Variants in PPM1G observed in about 807,000 individuals in gnomAD.
PPM1G encodes protein phosphatase 1G.
PPM1G carries 12 observed loss-of-function variants against 59.4 expected under a neutral mutation model. The observed-to-expected ratio is 0.20, with a 90% CI of 0.13 to 0.33. PPM1G has a LOEUF of 0.33. PPM1G is among the 10% of genes least tolerant of loss of function. The pLI, the probability that PPM1G is intolerant of heterozygous loss-of-function variation, is 1.00. For synonymous variants in PPM1G, 245 were observed against 251.9 expected, an observed-to-expected ratio of 0.97 and a Z score of 0.26; for missense variants, 392 against 681.3, an observed-to-expected ratio of 0.58 and a Z score of 4.73.
In PPM1G at chr2:27,386,272, T is replaced by C. The variant is rs1448456800; in HGVS notation, c.198A>G (p.Glu66=). The C allele has an allele frequency of 2.5e-6, 4 of 1,612,248 alleles. No homozygotes were observed. The highest frequency in any genetic ancestry group is 8.5e-7 in the Non-Finnish European group (1 of 1,178,432). ...GATATTTGGCACAGTACAAGGCAAC[T>C]TCCTCCCCTAGAAGGAAAGGAAGGA... ...FSVYDGHGGE[E]VALYCAKYLP... is the part of the protein sequence containing the mutation. The change falls in exon 3 of 10, where the codon GAA becomes GAG. Residue 66 remains glutamate (E), a synonymous_variant. Transcript: ENST00000344034.
At chr2:27,395,091 C>A (rs527534736) in intron 1 of PPM1G, among the ~76,000 whole-genome samples, 1 of 150,604 alleles carries the variant, frequency 6.6e-6, no homozygotes, top group African/African-American at 2.5e-5. Flanking sequence ...ATTAGCTGGG[C>A]GTGGTGGTGC....
In PPM1G at chr2:27,383,038, G is replaced by A. The variant is rs1448065294; in HGVS notation, c.1201+328C>T. Reference sequence around the variant, plus strand: ...TTTAGTAGAGATGGGGTTTCACCATGTTGGCCAGGCTGGCCTCGAACTCCT... The same window carrying A: ...TTTAGTAGAGATGGGGTTTCACCATATTGGCCAGGCTGGCCTCGAACTCCT... On this transcript the variant is annotated intron_variant, in intron 7 of 9. Transcript: ENST00000344034. The surrounding 1 kb of genome is among the most constrained non-coding windows in gnomAD (Gnocchi z 5.0). Among the ~76,000 whole-genome samples, 1 of 149,124 alleles carries A rather than the reference G, an allele frequency of 6.7e-6. No individual in the cohort carries two copies. Among genetic ancestry groups the A allele is most frequent in the African/African-American group, 2.5e-5 (1 of 40,402 alleles).
chr2:27,408,713 C>G (rs1241904570), intron 1 of PPM1G, among the ~76,000 whole-genome samples: 1 of 151,948 alleles, frequency 6.6e-6, no homozygotes, highest in Non-Finnish European at 1.5e-5. Flanking sequence ...AGTAAAAGGC[C>G]CTGAAAAGAG....
chr2:27,390,372 G>C (rs546588816), intron 1 of PPM1G, among the ~76,000 whole-genome samples: 85 of 152,222 alleles, frequency 5.6e-4, no homozygotes, highest in Admixed American at 1.3e-3. Flanking sequence ...TTAAACTCCT[G>C]ATCTCAAATC....
At chr2:27,387,253 G>T in intron 1 of PPM1G, 95 bp from the exon 2 acceptor site, 1 of 986,784 alleles carries the variant, frequency 1.0e-6, no homozygotes, top group Non-Finnish European at 1.6e-6. Context: ...CCTTTCCCTG[G>T]CTGGCCTATA....
chr2:27,382,689 T>C lies in PPM1G; in HGVS notation c.1202-84A>G. 6.5e-7 allele frequency: 1 copy of C among 1,532,514 alleles called. No individual in the cohort carries two copies. Among genetic ancestry groups the C allele is most frequent in the Admixed American group, 1.8e-5 (1 of 55,852 alleles). The allele number at this position is 1,532,514 out of a possible 1,614,324, so 94.9% of individuals were successfully genotyped here. ...GGCAGGTCAAACCTTGCCATTCATT[T>C]CCCTTCTTTACAAAGTTCCATAATC... On this transcript the variant is annotated intron_variant, in intron 7 of 9. Transcript: ENST00000344034. The surrounding 1 kb of genome is among the most constrained non-coding windows in gnomAD (Gnocchi z 4.2).
At chr2:27,399,055 G>A (rs1261872449) in intron 1 of PPM1G, among the ~76,000 whole-genome samples, 1 of 151,780 alleles carries the variant, frequency 6.6e-6, no homozygotes, top group Non-Finnish European at 1.5e-5. Flanking sequence ...AAGCAGGATA[G>A]CTTGAACTCA....
In PPM1G at chr2:27,409,431, C is replaced by T. The variant is rs763089412; in HGVS notation, c.-9G>A. The T allele has an allele frequency of 3.0e-5, 45 of 1,504,694 alleles. No individual in the cohort carries two copies. In the South Asian group the frequency reaches 5.0e-4, roughly 17 times the overall value. The allele number at this position is 1,504,694 out of a possible 1,614,324, so 93.2% of individuals were successfully genotyped here. A position where few individuals can be genotyped will look rare whatever the true frequency, so the allele number is the denominator to read the frequency against. ...GAGAGGTAGGCACCCATGGCGGCGG[C>T]TGGCCGGCGGCCTCAGGTGCAGGAA... On this transcript the variant is annotated 5_prime_UTR_variant, in exon 1 of 10. Coordinates refer to ENST00000344034, the MANE Select transcript of PPM1G (RefSeq NM_177983.3).
chr2:27,395,629 G>A lies in PPM1G; in HGVS notation c.121-8471C>T, dbSNP rs1684032215. The stretch of plus-strand genomic sequence containing the variant: ...AGGCTGAGGTGGGAGGATCACTTGT[G>A]CTCAGAAGTTCAAGACCAGCCTGGG... On this transcript the variant is annotated intron_variant, in intron 1 of 9. Transcript: ENST00000344034. Among the ~76,000 whole-genome samples the A allele has an allele frequency of 2.0e-5, 3 of 152,042 alleles. No individual in the cohort carries two copies. In the South Asian group the frequency reaches 6.2e-4, roughly 32 times the overall value.
intron 1 of PPM1G, among the ~76,000 whole-genome samples, chr2:27,402,151 A>G (rs1433299140): frequency 2.6e-5 from 4 of 152,188 alleles, no homozygotes; most frequent in African/African-American, 9.6e-5. Flanking sequence ...GATATACTTC[A>G]TCTCTGAACT....
At chr2:27,399,950 C>CAA (rs56786173) in intron 1 of PPM1G, among the ~76,000 whole-genome samples, 1,720 of 107,052 alleles carry the variant, frequency 0.016, 27 homozygotes, top group African/African-American at 0.051. Context: ...TTTATAATAG[C>CAA]AAAAAAAAAA....
At chr2:27,404,808 G>C (rs1182673919) in intron 1 of PPM1G, among the ~76,000 whole-genome samples, 1 of 151,668 alleles carries the variant, frequency 6.6e-6, no homozygotes, top group African/African-American at 2.4e-5. Flanking sequence ...GCCGGGCATG[G>C]TGGCAGGCGC....
intron 1 of PPM1G, among the ~76,000 whole-genome samples, chr2:27,405,644 T>C (rs1004803172): frequency 6.6e-6 from 1 of 151,494 alleles, no homozygotes; most frequent in Non-Finnish European, 1.5e-5. Context: ...TCTGCCCCCC[T>C]CGGCCTCCCA....
Position 27,385,880 on chromosome 2 carries a change from C to CTTA in PPM1G, c.277-2_277-1insTAA. The stretch of plus-strand genomic sequence containing the variant: ...TAGCCAAGAAGGCATCTTCTAAAGC[C>CTTA]TGAATATAAGCAAAATAGTCTAAGA... On this transcript the variant is annotated splice_acceptor_variant, in intron 3 of 9. Coordinates refer to ENST00000344034, the MANE Select transcript of PPM1G (RefSeq NM_177983.3). LOFTEE classifies it high-confidence loss of function. This position sits in a 1 kb window ranked among gnomAD's most constrained non-coding sequence, Gnocchi z 4.1. The CTTA allele has an allele frequency of 6.2e-7, 1 of 1,611,324 alleles. No homozygotes were observed. The highest frequency in any genetic ancestry group is 8.5e-7 in the Non-Finnish European group (1 of 1,179,350).
At chr2:27,399,477 A>G (rs1015386660) in intron 1 of PPM1G, among the ~76,000 whole-genome samples, 3 of 152,074 alleles carry the variant, frequency 2.0e-5, no homozygotes, top group Non-Finnish European at 2.9e-5. Flanking sequence ...GTTCGACACC[A>G]GCCTGAACAA....
chr2:27,409,419 C>T lies in PPM1G; in HGVS notation c.4G>A (p.Gly2Ser). M[G>S]AYLSQPNTVK... is the part of the protein sequence containing the mutation. ...GTGTTGGGCTGGGAGAGGTAGGCAC[C>T]CATGGCGGCGGCTGGCCGGCGGCCT... Residue 2 changes from glycine (G) to serine (S), a missense_variant, in exon 1 of 10, where the codon GGT becomes AGT. Transcript: ENST00000344034. 1 of 1,512,674 alleles carries T rather than the reference C, an allele frequency of 6.6e-7. No individual in the cohort carries two copies. Among genetic ancestry groups the T allele is most frequent in the Non-Finnish European group, 8.8e-7 (1 of 1,130,954 alleles). 93.7% of individuals were successfully genotyped at this position (1,512,674 alleles called of 1,614,324 possible).
At chr2:27,389,581 T>C (rs1477916843) in intron 1 of PPM1G, among the ~76,000 whole-genome samples, 2 of 152,166 alleles carry the variant, frequency 1.3e-5, no homozygotes, top group African/African-American at 4.8e-5. Flanking sequence ...CATGGTCTCT[T>C]AGAAATCTAG....
intron 1 of PPM1G, among the ~76,000 whole-genome samples, chr2:27,390,812 A>T (rs1193188952): frequency 6.7e-6 from 1 of 150,262 alleles, no homozygotes; most frequent in African/African-American, 2.5e-5. Context: ...CTGCCACACA[A>T]CCCCCACCCC....
Position 27,408,014 on chromosome 2 carries a change from T to A in PPM1G, c.120+1289A>T, listed in dbSNP as rs190110501. Among the ~76,000 whole-genome samples, 5 of 151,454 alleles carry A rather than the reference T, an allele frequency of 3.3e-5. No homozygotes were observed. In the East Asian group the frequency reaches 9.7e-4, roughly 29 times the overall value. On this transcript the variant is annotated intron_variant, in intron 1 of 9. Transcript: ENST00000344034. ...GTGAGCCGAGATCGCGCCATTGCAT[T>A]CCAGCCTGGGCAACAAGAGCGAAAT...
Sources: gnomAD v4.1 joint callset for allele counts (sites outside exome capture counted in the v4.1 genomes callset) on GRCh38, gnomAD v4.1.1 for gene constraint, Gnocchi (gnomAD v3.1) non-coding constraint, MANE v1.5 for transcripts, NCBI Gene and HGNC (gene_info 2026-07-23, HGNC 2026-07-21) for gene names.